TNFRSF21: variants seen among roughly 807,000 people sequenced by gnomAD.
TNFRSF21 encodes the protein TNF receptor superfamily member 21.
Under a neutral mutation model 45.6 loss-of-function variants are expected in TNFRSF21, and 19 were observed. The ratio of observed to expected loss-of-function variants is 0.42; its 90% CI spans 0.29 to 0.61. TNFRSF21 has a LOEUF of 0.61. Among genes scored for constraint, TNFRSF21 ranks in the 20% least tolerant of loss-of-function variants. The probability of loss-of-function intolerance (pLI) is 0.23; values close to 1 mark genes in which losing one functional copy is unlikely to be tolerated. For synonymous variants in TNFRSF21, 314 were observed against 335.5 expected, an observed-to-expected ratio of 0.94 and a Z score of 0.70; for missense variants, 737 against 851.5, an observed-to-expected ratio of 0.87 and a Z score of 1.67.
chr6:47,242,086 C>G (rs1764753024), intron 4 of TNFRSF21, among the ~76,000 whole-genome samples: 1 of 152,002 alleles, frequency 6.6e-6, no homozygotes, highest in Non-Finnish European at 1.5e-5. Context: ...ACCCCCAAGC[C>G]AGACCACAGA....
At chr6:47,277,637 C>G (rs1762516736) in intron 3 of TNFRSF21, among the ~76,000 whole-genome samples, 1 of 152,210 alleles carries the variant, frequency 6.6e-6, no homozygotes, top group Non-Finnish European at 1.5e-5. Context: ...GCTCACGCAG[C>G]TGGTAAGCAA....
chr6:47,268,517 T>C (rs1270465690), intron 3 of TNFRSF21, among the ~76,000 whole-genome samples: 2 of 152,168 alleles, frequency 1.3e-5, no homozygotes, highest in South Asian at 2.1e-4. Flanking sequence ...AGAACACCTT[T>C]GTCTCTTCAA....
chr6:47,261,884 A>T (rs1561942881), intron 3 of TNFRSF21, among the ~76,000 whole-genome samples: 1 of 152,240 alleles, frequency 6.6e-6, no homozygotes, highest in African/African-American at 2.4e-5. Context: ...TAGCATGGTT[A>T]AAAATTTGTA....
intron 3 of TNFRSF21, among the ~76,000 whole-genome samples, chr6:47,262,879 A>G (rs2103868): frequency 0.086 from 13,070 of 152,230 alleles, 765 homozygotes; most frequent in East Asian, 0.2. Context: ...GCTACTATGC[A>G]TTCAATAAAA....
chr6:47,236,853 G>C (rs1050868599), intron 4 of TNFRSF21, among the ~76,000 whole-genome samples: 2 of 152,082 alleles, frequency 1.3e-5, no homozygotes, highest in African/African-American at 4.8e-5. Flanking sequence ...TGGAAGACAT[G>C]GTCAGTCAAT....
At position 47,286,195 on chromosome 6, in the gene TNFRSF21, A is replaced by C; in HGVS notation, c.497T>G (p.Val166Gly). The C allele has an allele frequency of 6.2e-7, 1 of 1,614,232 alleles. No individual in the cohort carries two copies. Among genetic ancestry groups the C allele is most frequent in the Non-Finnish European group, 8.5e-7 (1 of 1,180,046 alleles). ...ACCCCGAGCACACTGCTTACACCGC[A>C]CATCCTCAGTCTCTGTCCCTTTCTT... Reference protein sequence around the residue: ...VRKKGTETEDVRCKQCARGTF... With the variant: ...VRKKGTETEDGRCKQCARGTF... Residue 166 changes from valine to glycine, a missense_variant, in exon 2 of 6, where the codon GTG becomes GGG. Coordinates refer to ENST00000296861, the MANE Select transcript of TNFRSF21 (RefSeq NM_014452.5).
At chr6:47,253,131 C>CGTGTGT in intron 4 of TNFRSF21, 125 bp downstream of exon 4, 2 of 1,017,860 alleles carry the variant, frequency 2.0e-6, no homozygotes, top group Admixed American at 2.6e-5. Flanking sequence ...CAGGCGTATG[C>CGTGTGT]GTGTGTGTGT....
intron 3 of TNFRSF21, among the ~76,000 whole-genome samples, chr6:47,257,751 T>C (rs1765008834): frequency 6.6e-6 from 1 of 152,236 alleles, no homozygotes; most frequent in African/African-American, 2.4e-5. Flanking sequence ...TTGAGATTTA[T>C]TTTACTATTC....
rs1330807355 is a variant in TNFRSF21, at chr6:47,299,534, TATAATA to T, written c.96+9876_96+9881del. ...AAATCTCAACTTTTATGTTATTAAA[TATAATA>T]ATATTACAAGTAGAATGTAAAATAA... On this transcript the variant is annotated intron_variant, in intron 1 of 5. Transcript: ENST00000296861. Among the ~76,000 whole-genome samples, 4 of 152,192 alleles carry T rather than the reference TATAATA, an allele frequency of 2.6e-5. No individual in the cohort carries two copies. In the South Asian group the frequency reaches 8.3e-4, roughly 32 times the overall value.
chr6:47,289,885 T>C lies in TNFRSF21; in HGVS notation c.97-3290A>G, dbSNP rs112047049. 5.9e-3 allele frequency among the ~76,000 whole-genome samples: 892 copies of C among 152,150 alleles called. 8 individuals carry two copies. Among genetic ancestry groups the C allele is most frequent in the African/African-American group, 0.02 (816 of 41,514 alleles). Reference sequence around the variant, plus strand: ...GGAGCATGCCTGTAATCCCAGCTACTTGGGAGGCAGAGGTGGGAGAATTGC... The same window carrying C: ...GGAGCATGCCTGTAATCCCAGCTACCTGGGAGGCAGAGGTGGGAGAATTGC... On this transcript the variant is annotated intron_variant, in intron 1 of 5. Coordinates refer to ENST00000296861, the MANE Select transcript of TNFRSF21 (RefSeq NM_014452.5).
chr6:47,309,090 C>A (rs1054532644), intron 1 of TNFRSF21, among the ~76,000 whole-genome samples: 3 of 151,960 alleles, frequency 2.0e-5, no homozygotes, highest in East Asian at 1.9e-4. Flanking sequence ...GCGTGGGGAG[C>A]GCGAGGTAGG....
intron 4 of TNFRSF21, among the ~76,000 whole-genome samples, chr6:47,243,722 A>G (rs9473031): frequency 0.088 from 13,446 of 152,152 alleles, 985 homozygotes; most frequent in African/African-American, 0.2. Context: ...CCCATCCTAC[A>G]TACTATTCTT....
chr6:47,253,117 TG>T, intron 4 of TNFRSF21, 138 bp downstream of exon 4: 1 of 1,005,576 alleles, frequency 9.9e-7, no homozygotes, highest in Non-Finnish European at 1.4e-6. Context: ...TGTGTGTGTG[TG>T]TGCAGGCGTA....
intron 3 of TNFRSF21, among the ~76,000 whole-genome samples, chr6:47,261,079 G>A (rs1228330196): frequency 6.6e-6 from 1 of 152,098 alleles, no homozygotes; most frequent in East Asian, 1.9e-4. Context: ...ACTCAAGACA[G>A]CCTCCCTTCT....
At chr6:47,245,070 T>A (rs1350115399) in intron 4 of TNFRSF21, among the ~76,000 whole-genome samples, 1 of 152,170 alleles carries the variant, frequency 6.6e-6, no homozygotes, top group Non-Finnish European at 1.5e-5. Context: ...TTCCTCCCAA[T>A]GCACTTTTTG....
intron 1 of TNFRSF21, among the ~76,000 whole-genome samples, chr6:47,289,324 A>T (rs1205822331): frequency 6.6e-6 from 1 of 152,202 alleles, no homozygotes; most frequent in Non-Finnish European, 1.5e-5. Context: ...CTCCTACCCC[A>T]AAATTTAACT....
At chr6:47,296,514 G>T (rs938210572) in intron 1 of TNFRSF21, among the ~76,000 whole-genome samples, 1 of 152,126 alleles carries the variant, frequency 6.6e-6, no homozygotes, top group African/African-American at 2.4e-5. Context: ...TCTGGATAGG[G>T]GCTGGTCATA....
intron 4 of TNFRSF21, among the ~76,000 whole-genome samples, chr6:47,248,115 T>C (rs1482374933): frequency 6.6e-6 from 1 of 152,204 alleles, no homozygotes; most frequent in Non-Finnish European, 1.5e-5. Context: ...AATACCATCA[T>C]TTTTTAAGTA....
intron 3 of TNFRSF21, among the ~76,000 whole-genome samples, chr6:47,265,872 G>A (rs1762327004): frequency 6.6e-6 from 1 of 152,134 alleles, no homozygotes; most frequent in Admixed American, 6.5e-5. Flanking sequence ...AAACCAAAGT[G>A]TCAAAGTGCT....
Sources: gnomAD v4.1 joint callset for allele counts (sites outside exome capture counted in the v4.1 genomes callset) on GRCh38, gnomAD v4.1.1 for gene constraint, MANE v1.5 for transcripts, NCBI Gene and HGNC (gene_info 2026-07-23, HGNC 2026-07-21) for gene names.